Variants in CCDC81 observed in about 807,000 individuals in gnomAD.
The protein encoded by CCDC81 is coiled-coil domain-containing protein 81.
Under a neutral mutation model 83.7 loss-of-function variants are expected in CCDC81, and 79 were observed. That is an observed-to-expected ratio of 0.94 (90% CI 0.79 to 1.14). CCDC81 has a LOEUF of 1.14. CCDC81 is among the 50% of genes most tolerant of loss of function. The pLI is 0.00. For synonymous variants in CCDC81, 252 were observed against 278.1 expected, an observed-to-expected ratio of 0.91 and a Z score of 0.93; for missense variants, 791 against 778.1, an observed-to-expected ratio of 1.02 and a Z score of -0.20.
intron 13 of CCDC81, chr11:86,419,657 A>G (rs1016910679): frequency 3.2e-5 from 8 of 251,552 alleles, no homozygotes; most frequent in Non-Finnish European, 5.2e-5. Context: ...AAAGGAAATT[A>G]ATGGTTTTAC....
chr11:86,411,231 G>A (rs1371477369), intron 10 of CCDC81, among the ~76,000 whole-genome samples: 2 of 152,092 alleles, frequency 1.3e-5, no homozygotes, highest in Non-Finnish European at 2.9e-5. Context: ...CAGCCACAGA[G>A]ACTTTTTTTC....
intron 10 of CCDC81, among the ~76,000 whole-genome samples, chr11:86,409,923 G>A (rs1171548808): frequency 1.3e-5 from 2 of 152,140 alleles, no homozygotes; most frequent in African/African-American, 2.4e-5. Context: ...CAGGACGTGG[G>A]ATGGGTGGAG....
intron 1 of CCDC81, 131 bp downstream of exon 1, chr11:86,375,373 C>T (rs1948086032): frequency 1.4e-6 from 1 of 704,498 alleles, no homozygotes; most frequent in Admixed American, 2.7e-5. Context: ...GCCTTGACAA[C>T]CAGCTGGTAA....
At chr11:86,408,077 CA>C in intron 8 of CCDC81, 49 bp from the exon 9 acceptor site, 3 of 1,591,426 alleles carry the variant, frequency 1.9e-6, no homozygotes, top group Non-Finnish European at 2.6e-6. Context: ...AATGCGAAAG[CA>C]AAAAGGTAAA....
intron 6 of CCDC81, among the ~76,000 whole-genome samples, chr11:86,399,968 C>CA (rs768432522): frequency 0.24 from 34,766 of 143,556 alleles, 4,706 homozygotes; most frequent in Non-Finnish European, 0.3. Flanking sequence ...ACTACTACTA[C>CA]AAAAAAAAAA....
At chr11:86,387,744 C>G in intron 3 of CCDC81, 72 bp downstream of exon 3, 1 of 1,060,326 alleles carries the variant, frequency 9.4e-7, no homozygotes, top group Non-Finnish European at 1.4e-6. Context: ...AAGGGCAAAG[C>G]GTAGCCAGTG....
At chr11:86,398,643 T>C (rs536438037) in intron 6 of CCDC81, among the ~76,000 whole-genome samples, 2 of 152,208 alleles carry the variant, frequency 1.3e-5, no homozygotes, top group Admixed American at 6.5e-5. Context: ...CTCCGCCTCC[T>C]GGGTTCAGGT....
chr11:86,408,338 A>G (rs1305487421), intron 9 of CCDC81, 68 bp downstream of exon 9: 10 of 1,393,132 alleles, frequency 7.2e-6, no homozygotes, highest in Admixed American at 7.1e-5. Context: ...GTAATTTATT[A>G]TTATTTTTTA....
At chr11:86,398,952 GA>G (rs1948446127) in intron 6 of CCDC81, among the ~76,000 whole-genome samples, 1 of 152,168 alleles carries the variant, frequency 6.6e-6, no homozygotes, top group African/African-American at 2.4e-5. Flanking sequence ...TCCTCTAGCA[GA>G]TTGTTGCTTT....
intron 1 of CCDC81, among the ~76,000 whole-genome samples, chr11:86,377,059 TG>T (rs1332105293): frequency 1.3e-5 from 2 of 152,342 alleles, no homozygotes; most frequent in Non-Finnish European, 2.9e-5. Context: ...CTTTTCAGAT[TG>T]GCTTCTTTCA....
At position 86,395,375 on chromosome 11, in the gene CCDC81, C is replaced by G. The variant is rs562183450; in HGVS notation, c.597C>G (p.Ala199=). The part of the protein sequence containing the change: ...TVDSVLSSRE[A]LRKWPSSVLA... ...ACTCGGTGTTGTCTAGCAGAGAGGC[C>G]TTGAGGAAGTGGCCCAGCAGTGTGC... Residue 199 remains alanine (A), a synonymous_variant, in exon 5 of 15, where the codon GCC becomes GCG. Coordinates refer to ENST00000445632, the MANE Select transcript of CCDC81 (RefSeq NM_001156474.2). 1.9e-6 allele frequency: 3 copies of G among 1,614,104 alleles called. No individual in the cohort carries two copies. Among genetic ancestry groups the G allele is most frequent in the Non-Finnish European group, 2.5e-6 (3 of 1,180,004 alleles).
chr11:86,405,785 C>CTTTTTT (rs146946869), intron 7 of CCDC81, among the ~76,000 whole-genome samples: 2 of 128,626 alleles, frequency 1.6e-5, no homozygotes, highest in Non-Finnish European at 3.3e-5. Context: ...CTTCTTTTTT[C>CTTTTTT]TTTTTTTTTT....
chr11:86,385,699 A>G (rs894051509), intron 1 of CCDC81, among the ~76,000 whole-genome samples: 53 of 152,344 alleles, frequency 3.5e-4, no homozygotes, highest in African/African-American at 1.2e-3. Flanking sequence ...TAGACACCCG[A>G]TAAACGGTTG....
At chr11:86,415,644 T>A (rs1252469187) in intron 13 of CCDC81, among the ~76,000 whole-genome samples, 1 of 152,178 alleles carries the variant, frequency 6.6e-6, no homozygotes, top group Non-Finnish European at 1.5e-5. Flanking sequence ...GTCCTCCCCA[T>A]CATTCCCAGA....
At chr11:86,421,310 G>A (rs1948785526) in intron 14 of CCDC81, among the ~76,000 whole-genome samples, 1 of 152,006 alleles carries the variant, frequency 6.6e-6, no homozygotes, top group Admixed American at 6.6e-5. Context: ...GACTGCCCTT[G>A]ATAATCCTTT....
At chr11:86,383,722 C>G (rs1948203498) in intron 1 of CCDC81, among the ~76,000 whole-genome samples, 1 of 152,220 alleles carries the variant, frequency 6.6e-6, no homozygotes, top group African/African-American at 2.4e-5. Flanking sequence ...ATGATATCCT[C>G]TCTGACTCTT....
At position 86,375,181 on chromosome 11, in the gene CCDC81, C is replaced by T; in HGVS notation, c.18C>T (p.Ala6=). The change falls in exon 1 of 15, where the codon GCC becomes GCT. Residue 6 remains alanine (A), a synonymous_variant. Transcript: ENST00000445632. The part of the protein sequence containing the change: MLDTI[A]RALQDLGRQV... Reference sequence around the variant, plus strand: ...AATTGGAGATGTTGGATACGATCGCCCGTGCCCTGCAGGACCTGGGCAGGC... The same window carrying T: ...AATTGGAGATGTTGGATACGATCGCTCGTGCCCTGCAGGACCTGGGCAGGC... The T allele has an allele frequency of 1.2e-6, 2 of 1,613,618 alleles. No individual in the cohort carries two copies. Among genetic ancestry groups the T allele is most frequent in the Non-Finnish European group, 1.7e-6 (2 of 1,179,964 alleles).
chr11:86,420,315 T>C (rs1948773320), intron 14 of CCDC81, among the ~76,000 whole-genome samples: 1 of 152,212 alleles, frequency 6.6e-6, no homozygotes. Context: ...ATTTGCTTTT[T>C]GTGGAGAGTG....
chr11:86,410,933 A>T (rs1450649083), intron 10 of CCDC81, among the ~76,000 whole-genome samples: 1 of 152,216 alleles, frequency 6.6e-6, no homozygotes, highest in Non-Finnish European at 1.5e-5. Context: ...TGCCACACTG[A>T]AAGTGTTGCC....
Sources: allele counts gnomAD v4.1 joint callset (sites outside exome capture counted in the v4.1 genomes callset), GRCh38; gene constraint gnomAD v4.1.1; transcripts MANE v1.5; gene names NCBI Gene and HGNC (gene_info 2026-07-23, HGNC 2026-07-21).